Variants in HDX observed in about 807,000 individuals in gnomAD.
HDX encodes the protein chromosome X open reading frame 43.
Under a neutral mutation model 45.2 loss-of-function variants are expected in HDX, and 19 were observed. The observed-to-expected ratio is 0.42, with a 90% CI of 0.29 to 0.62. HDX has a LOEUF of 0.62. Among genes scored for constraint, HDX ranks in the 20% least tolerant of loss-of-function variants. The pLI, the probability that HDX is intolerant of heterozygous loss-of-function variation, is 0.20. For missense variants in HDX, 532 were observed against 493.9 expected (o/e 1.08, Z -0.73); for synonymous variants, 188 against 172.8 (o/e 1.09, Z -0.69).
In HDX at chrX:84,320,881, C is replaced by A. The variant is rs1183915866; in HGVS notation, c.*1008G>T. ...ATGGAATTCAGAAGACTGTGATTTA[C>A]AACCAAAGTAGTATAACTCTTTTTG... On this transcript the variant is annotated 3_prime_UTR_variant, in exon 11 of 11. Transcript: ENST00000373177. 9.0e-6 allele frequency: 1 copy of A among 110,568 alleles called. No individual in the cohort carries two copies. The highest frequency in any genetic ancestry group is 2.8e-4 in the East Asian group (1 of 3,544). 9.1% of individuals were successfully genotyped at this position (110,568 alleles called of 1,213,427 possible). A position where few individuals can be genotyped will look rare whatever the true frequency, so the allele number is the denominator to read the frequency against.
intron 6 of HDX, among the ~76,000 whole-genome samples, chrX:84,359,027 C>A (rs1341928649): frequency 9.1e-6 from 1 of 109,806 alleles, no homozygotes; most frequent in Non-Finnish European, 1.9e-5. Flanking sequence ...ATCTTTACAC[C>A]ACGGAAATCA....
At chrX:84,474,449 C>A (rs2040510447) in intron 3 of HDX, among the ~76,000 whole-genome samples, 2 of 111,751 alleles carry the variant, frequency 1.8e-5, no homozygotes, top group African/African-American at 6.5e-5. Context: ...TCTTTAGGGT[C>A]TTTGAAGGTA....
intron 5 of HDX, among the ~76,000 whole-genome samples, chrX:84,373,137 G>T (rs1419671651): frequency 1.8e-5 from 2 of 111,341 alleles, no homozygotes. Context: ...CAAAGAATAA[G>T]ACCTAGTTTA....
intron 5 of HDX, among the ~76,000 whole-genome samples, chrX:84,377,819 A>G (rs1288456061): frequency 9.0e-6 from 1 of 111,722 alleles, no homozygotes; most frequent in African/African-American, 3.3e-5. Flanking sequence ...AGATAAAGAC[A>G]TAGAGATATA....
rs193264174 is a variant in HDX at position 84,318,083 on chromosome X, T to C, written c.*3806A>G. On this transcript the variant is annotated 3_prime_UTR_variant, in exon 11 of 11. Coordinates refer to ENST00000373177, the MANE Select transcript of HDX (RefSeq NM_001177479.2). ...TGGAGCAATATACACTCAGTATATA[T>C]TTTAATGAAACAATTTTAATTATAT... The C allele has an allele frequency of 1.8e-5, 2 of 111,334 alleles. No individual in the cohort carries two copies. The highest frequency in any genetic ancestry group is 6.5e-5 in the African/African-American group (2 of 30,842). 9.2% of individuals were successfully genotyped at this position (111,334 alleles called of 1,213,427 possible). A position where few individuals can be genotyped will look rare whatever the true frequency, so the allele number is the denominator to read the frequency against.
At chrX:84,405,531 C>T (rs1182036724) in intron 5 of HDX, among the ~76,000 whole-genome samples, 1 of 105,378 alleles carries the variant, frequency 9.5e-6, no homozygotes, top group Non-Finnish European at 1.9e-5. Context: ...ATGATACTGT[C>T]ATATCACTTC....
At chrX:84,423,328 A>G (rs1174020061) in intron 5 of HDX, among the ~76,000 whole-genome samples, 2 of 110,803 alleles carry the variant, frequency 1.8e-5, no homozygotes, top group Non-Finnish European at 3.8e-5. Context: ...AAAAAGCCCT[A>G]GACCTAATGG....
chrX:84,438,813 C>A (rs2039695317), intron 5 of HDX, among the ~76,000 whole-genome samples: 1 of 111,330 alleles, frequency 9.0e-6, no homozygotes, highest in Admixed American at 9.6e-5. Flanking sequence ...GATTTTATGA[C>A]CTTGCTATTG....
intron 4 of HDX, among the ~76,000 whole-genome samples, chrX:84,443,125 A>T (rs774409766): frequency 8.9e-6 from 1 of 111,750 alleles, no homozygotes; most frequent in African/African-American, 3.2e-5. Flanking sequence ...CAAATGTTAT[A>T]TTTAACTAAT....
chrX:84,439,382 T>G (rs1473310398), intron 5 of HDX, among the ~76,000 whole-genome samples: 5 of 108,234 alleles, frequency 4.6e-5, no homozygotes, highest in East Asian at 5.8e-4. Context: ...ATTTTTTTTT[T>G]TTGTTGTGCA....
rs184289177 is a variant in HDX at position 84,351,937 on chromosome X, C to T, written c.1453-7480G>A. On this transcript the variant is annotated intron_variant, in intron 6 of 10. Transcript: ENST00000373177. ...TTCAGAAAGACCACTTTATATGACT[C>T]GAATTTGTAACCTTTCTAGTTTTGC... Among the ~76,000 whole-genome samples, 288 of 111,987 alleles carry T rather than the reference C, an allele frequency of 2.6e-3. 2 individuals carry two copies. The highest frequency in any genetic ancestry group is 9.0e-3 in the African/African-American group (278 of 30,875).
At position 84,489,044 on chromosome X, in the gene HDX, A is replaced by T. The variant is rs193217700; in HGVS notation, c.-109-912T>A. ...TTTGTTTTTTCTAATCTGGTAAAAGACCAGAATTTTCAGGAAAGGCCTGAG... is the reference window on the plus strand; with the variant it reads ...TTTGTTTTTTCTAATCTGGTAAAAGTCCAGAATTTTCAGGAAAGGCCTGAG... On this transcript the variant is annotated intron_variant, in intron 1 of 10. Coordinates refer to ENST00000373177, the MANE Select transcript of HDX (RefSeq NM_001177479.2). Among the ~76,000 whole-genome samples the T allele has an allele frequency of 8.1e-5, 9 of 111,357 alleles. No homozygotes were observed. The East Asian group carries it at 2.5e-3, about 32-fold the overall frequency.
At chrX:84,395,738 A>C (rs2038546619) in intron 5 of HDX, among the ~76,000 whole-genome samples, 1 of 111,693 alleles carries the variant, frequency 9.0e-6, no homozygotes, top group Non-Finnish European at 1.9e-5. Context: ...ATGGTGTTCC[A>C]TATGTAATGT....
intron 5 of HDX, among the ~76,000 whole-genome samples, chrX:84,406,177 T>C (rs2038815188): frequency 9.0e-6 from 1 of 110,818 alleles, no homozygotes; most frequent in Non-Finnish European, 1.9e-5. Flanking sequence ...TGACACATGA[T>C]TTATAACAAC....
intron 5 of HDX, among the ~76,000 whole-genome samples, chrX:84,415,593 G>A (rs1201886710): frequency 1.8e-5 from 2 of 111,962 alleles, no homozygotes; most frequent in Admixed American, 1.9e-4. Flanking sequence ...CTTGGCCATA[G>A]AGACAATAGC....
At chrX:84,397,992 C>T (rs761672657) in intron 5 of HDX, among the ~76,000 whole-genome samples, 4 of 110,379 alleles carry the variant, frequency 3.6e-5, no homozygotes, top group African/African-American at 1.3e-4. Flanking sequence ...ACCAAGGTAT[C>T]CAGGTTCTCT....
chrX:84,466,118 C>T (rs1247336699), intron 4 of HDX, among the ~76,000 whole-genome samples: 4 of 112,060 alleles, frequency 3.6e-5, no homozygotes, highest in Admixed American at 9.4e-5. Flanking sequence ...CTTCTTTAGC[C>T]AGTACTACAA....
intron 5 of HDX, among the ~76,000 whole-genome samples, chrX:84,395,807 G>T (rs1437437713): frequency 9.0e-6 from 1 of 111,449 alleles, no homozygotes; most frequent in Non-Finnish European, 1.9e-5. Flanking sequence ...TATTTCAAAA[G>T]ATCTGTCTTC....
chrX:84,476,728 A>C (rs2040563884), intron 2 of HDX, among the ~76,000 whole-genome samples: 1 of 111,468 alleles, frequency 9.0e-6, no homozygotes, highest in Admixed American at 9.6e-5. Context: ...CTTTCTCTGA[A>C]TACTTTAAAA....
Sources: allele counts gnomAD v4.1 joint callset (sites outside exome capture counted in the v4.1 genomes callset), GRCh38; gene constraint gnomAD v4.1.1; transcripts MANE v1.5; gene names NCBI Gene and HGNC (gene_info 2026-07-23, HGNC 2026-07-21).